Variants in NEURL1B observed in about 807,000 individuals in gnomAD.
The protein encoded by NEURL1B is E3 ubiquitin-protein ligase NEURL1B.
A neutral mutation model predicts 37.4 loss-of-function variants in NEURL1B; 13 were observed. The observed-to-expected ratio is 0.35, with a 90% CI of 0.23 to 0.55. NEURL1B has a LOEUF of 0.55. Ranked by LOEUF, NEURL1B falls within the 20% of genes least tolerant of loss-of-function variation. NEURL1B has a pLI of 0.89. For synonymous variants in NEURL1B, 432 were observed against 426.6 expected, an observed-to-expected ratio of 1.01 and a Z score of -0.16; for missense variants, 790 against 879.2, an observed-to-expected ratio of 0.90 and a Z score of 1.28.
At chr5:172,677,282 T>C (rs1758248999) in intron 2 of NEURL1B, among the ~76,000 whole-genome samples, 1 of 152,124 alleles carries the variant, frequency 6.6e-6, no homozygotes, top group African/African-American at 2.4e-5. Flanking sequence ...TGAAGGGTTG[T>C]CCTTTCTCAG....
At chr5:172,655,255 AG>A (rs1322296188) in intron 1 of NEURL1B, among the ~76,000 whole-genome samples, 1 of 151,636 alleles carries the variant, frequency 6.6e-6, no homozygotes, top group Non-Finnish European at 1.5e-5. Flanking sequence ...CCCTCAAACC[AG>A]GGGGTGTCTT....
Position 172,688,949 on chromosome 5 carries a change from C to T in NEURL1B, c.*2024C>T, listed in dbSNP as rs1421326156. ...GCGACCCAGCCACAAGCTGTGGGGT[C>T]TCAGTGGCCTGGGGGAAAGCAGCTC... is the stretch of plus-strand genomic sequence containing the variant. On this transcript the variant is annotated 3_prime_UTR_variant, in exon 5 of 5. Coordinates refer to ENST00000369800, the MANE Select transcript of NEURL1B (RefSeq NM_001142651.3). This position sits in a 1 kb window ranked among gnomAD's most constrained non-coding sequence, Gnocchi z 4.3. 9 of 152,400 alleles carry T rather than the reference C, an allele frequency of 5.9e-5. No homozygotes were observed. The highest frequency in any genetic ancestry group is 2.2e-4 in the African/African-American group (9 of 41,576). The allele number at this position is 152,400 out of a possible 1,614,324, so 9.4% of individuals were successfully genotyped here.
At chr5:172,650,511 C>T (rs186927832) in intron 1 of NEURL1B, among the ~76,000 whole-genome samples, 6 of 152,180 alleles carry the variant, frequency 3.9e-5, no homozygotes, top group Admixed American at 1.3e-4. Context: ...AGAAAGGTGG[C>T]GGAAAGAGGG....
chr5:172,664,310 A>G (rs1203024762), intron 1 of NEURL1B, among the ~76,000 whole-genome samples: 2 of 152,064 alleles, frequency 1.3e-5, no homozygotes, highest in African/African-American at 2.4e-5. Flanking sequence ...GGAAAAATGG[A>G]GACACCAATC....
chr5:172,641,412 C>A lies in NEURL1B; in HGVS notation c.6C>A (p.Gly2=). 1 of 1,363,224 alleles carries A rather than the reference C, an allele frequency of 7.3e-7. No individual in the cohort carries two copies. The highest frequency in any genetic ancestry group is 3.5e-5 in the Admixed American group (1 of 28,272). 84.4% of individuals were successfully genotyped at this position (1,363,224 alleles called of 1,614,324 possible). M[G]NTVHRTLPDP... ...ACGCCGCGCCCGACGCAGCGATGGG[C>A]AACACGGTGCACCGGACCCTGCCAG... is the stretch of plus-strand genomic sequence containing the variant. The change falls in exon 1 of 5, where the codon GGC becomes GGA. Residue 2 remains glycine (G), a synonymous_variant. Coordinates refer to ENST00000369800, the MANE Select transcript of NEURL1B (RefSeq NM_001142651.3). This position sits in a 1 kb window ranked among gnomAD's most constrained non-coding sequence, Gnocchi z 6.4.
At position 172,670,060 on chromosome 5, in the gene NEURL1B, G is replaced by A. The variant is rs953233428; in HGVS notation, c.307G>A (p.Ala103Thr). 9 of 1,521,254 alleles carry A rather than the reference G, an allele frequency of 5.9e-6. No homozygotes were observed. In the African/African-American group the frequency reaches 7.1e-5, roughly 12 times the overall value. 94.2% of individuals were successfully genotyped at this position (1,521,254 alleles called of 1,614,324 possible). The part of the protein sequence containing the change: ...WSGALRFGFT[A>T]HDPSLMSAQD... ...CGGCGCGCTGCGCTTCGGCTTCACC[G>A]CGCACGATCCGTCGCTCATGAGCGC... The change falls in exon 2 of 5, where the codon GCG becomes ACG. Residue 103 changes from alanine (A) to threonine (T), a missense_variant. Ala to Thr is a moderately conservative substitution (Grantham distance 58). Around this residue, in one of 3 missense-constraint regions of NEURL1B, gnomAD observed 215 missense variants for 309.2 expected, o/e 0.70. Coordinates refer to ENST00000369800, the MANE Select transcript of NEURL1B (RefSeq NM_001142651.3).
chr5:172,682,864 G>A (rs1179016881), intron 2 of NEURL1B, among the ~76,000 whole-genome samples: 1 of 152,210 alleles, frequency 6.6e-6, no homozygotes, highest in Non-Finnish European at 1.5e-5. Context: ...ACCCCTCTGT[G>A]CCTCAGTTTC....
chr5:172,676,817 T>G lies in NEURL1B; in HGVS notation c.577+6487T>G, dbSNP rs1012862111. On this transcript the variant is annotated intron_variant, in intron 2 of 4. Coordinates refer to ENST00000369800, the MANE Select transcript of NEURL1B (RefSeq NM_001142651.3). This position sits in a 1 kb window ranked among gnomAD's most constrained non-coding sequence, Gnocchi z 4.5. Reference sequence around the variant, plus strand: ...AATCCTGTGAGGCAGGAAACTCATTTGCAAACTCCACGTGGATAGAGAACT... The same window carrying G: ...AATCCTGTGAGGCAGGAAACTCATTGGCAAACTCCACGTGGATAGAGAACT... Among the ~76,000 whole-genome samples, 2 of 152,266 alleles carry G rather than the reference T, an allele frequency of 1.3e-5. No homozygotes were observed. Among genetic ancestry groups the G allele is most frequent in the African/African-American group, 4.8e-5 (2 of 41,478 alleles).
At position 172,683,872 on chromosome 5, in the gene NEURL1B, C is replaced by G; in HGVS notation, c.1031C>G (p.Ser344Trp). 2 of 1,394,016 alleles carry G rather than the reference C, an allele frequency of 1.4e-6. No individual in the cohort carries two copies. The highest frequency in any genetic ancestry group is 1.9e-6 in the Non-Finnish European group (2 of 1,069,050). 86.4% of individuals were successfully genotyped at this position (1,394,016 alleles called of 1,614,324 possible). A position where few individuals can be genotyped will look rare whatever the true frequency, so the allele number is the denominator to read the frequency against. Residue 344 changes from serine to tryptophan, a missense_variant, in exon 3 of 5, where the codon TCG (serine) becomes TGG (tryptophan). Around this residue, in one of 3 missense-constraint regions of NEURL1B, gnomAD observed 460 missense variants for 407.4 expected, o/e 1.13. Transcript: ENST00000369800. This position sits in a 1 kb window ranked among gnomAD's most constrained non-coding sequence, Gnocchi z 5.6. ...APGALAFGIT[S>W]CDPGVLRPNE... is the part of the protein sequence containing the mutation. ...GGCGCGCTGGCCTTCGGCATCACGT[C>G]GTGCGACCCGGGCGTGCTACGGCCC...
rs1324400778 is a variant in NEURL1B, at chr5:172,676,323, G to T, written c.577+5993G>T. On this transcript the variant is annotated intron_variant, in intron 2 of 4. Coordinates refer to ENST00000369800, the MANE Select transcript of NEURL1B (RefSeq NM_001142651.3). This position sits in a 1 kb window ranked among gnomAD's most constrained non-coding sequence, Gnocchi z 4.5. ...TCTTTGGTGGCCTCATCCTCAGCTGGACTGTCCCTTTGGGGTGGAGGAAAG... is the reference window on the plus strand; with the variant it reads ...TCTTTGGTGGCCTCATCCTCAGCTGTACTGTCCCTTTGGGGTGGAGGAAAG... Among the ~76,000 whole-genome samples, 1 of 152,162 alleles carries T rather than the reference G, an allele frequency of 6.6e-6. No homozygotes were observed. Among genetic ancestry groups the T allele is most frequent in the African/African-American group, 2.4e-5 (1 of 41,432 alleles).
In NEURL1B at chr5:172,669,850, C is replaced by T. The variant is rs959395719; in HGVS notation, c.97C>T (p.Pro33Ser). ...CTGCGGCCCCGGCCCCGAGCGACGC[C>T]CGGTCCTGGGCGAGGCGCCGCGCTT... is the stretch of plus-strand genomic sequence containing the variant. ...PCCGPGPERR[P>S]VLGEAPRFHA... Residue 33 changes from proline to serine, a missense_variant, in exon 2 of 5, where the codon CCG (proline) becomes TCG (serine). Physicochemically the swap from Pro to Ser is moderately conservative, Grantham distance 74. This residue lies in a region of NEURL1B where 215 missense variants were observed against 309.2 expected (regional missense o/e 0.70). Transcript: ENST00000369800. 58 of 1,371,896 alleles carry T rather than the reference C, an allele frequency of 4.2e-5. No individual in the cohort carries two copies. In the South Asian group the frequency reaches 4.6e-4, roughly 11 times the overall value. 85.0% of individuals were successfully genotyped at this position (1,371,896 alleles called of 1,614,324 possible).
At chr5:172,684,284 C>G (rs1758438339) in intron 3 of NEURL1B, 146 bp downstream of exon 3, 1 of 675,044 alleles carries the variant, frequency 1.5e-6, no homozygotes, top group East Asian at 4.1e-5. Context: ...TTTAAGCGCC[C>G]GGGCACGATC....
At chr5:172,682,576 CA>C (rs998597160) in intron 2 of NEURL1B, among the ~76,000 whole-genome samples, 67 of 146,718 alleles carry the variant, frequency 4.6e-4, no homozygotes, top group Admixed American at 1.1e-3. Context: ...AACTCTATCT[CA>C]AAAAAAAAAA....
intron 2 of NEURL1B, among the ~76,000 whole-genome samples, chr5:172,671,548 C>T (rs185004192): frequency 1.4e-4 from 21 of 152,348 alleles, no homozygotes; most frequent in Admixed American, 2.6e-4. Flanking sequence ...TGAGTGGAAT[C>T]GCACAGTATT....
At chr5:172,659,303 G>A (rs966670792) in intron 1 of NEURL1B, among the ~76,000 whole-genome samples, 3 of 152,212 alleles carry the variant, frequency 2.0e-5, no homozygotes, top group South Asian at 2.1e-4. Flanking sequence ...TTCAGGCCCC[G>A]CAGGTGCTCT....
intron 2 of NEURL1B, among the ~76,000 whole-genome samples, chr5:172,679,799 T>A (rs1758311066): frequency 6.6e-6 from 1 of 152,186 alleles, no homozygotes; most frequent in Non-Finnish European, 1.5e-5. Context: ...ACAGATCCCT[T>A]ATCTCCAGGT....
Position 172,669,412 on chromosome 5 carries a change from A to C in NEURL1B, c.32-373A>C, listed in dbSNP as rs544913115. On this transcript the variant is annotated intron_variant, in intron 1 of 4. Coordinates refer to ENST00000369800, the MANE Select transcript of NEURL1B (RefSeq NM_001142651.3). The stretch of plus-strand genomic sequence containing the variant: ...TGCTTTTGGAGGGACTCTGTGGCCC[A>C]GAGGTGGCCCCGCGAGGTCCTTGTA... Among the ~76,000 whole-genome samples the C allele has an allele frequency of 3.9e-5, 6 of 152,338 alleles. No homozygotes were observed. In the East Asian group the frequency reaches 1.2e-3, roughly 29 times the overall value.
chr5:172,661,252 G>A lies in NEURL1B; in HGVS notation c.32-8533G>A, dbSNP rs992507795. 1.3e-5 allele frequency among the ~76,000 whole-genome samples: 2 copies of A among 152,182 alleles called. No individual in the cohort carries two copies. The highest frequency in any genetic ancestry group is 4.8e-5 in the African/African-American group (2 of 41,436). On this transcript the variant is annotated intron_variant, in intron 1 of 4. Transcript: ENST00000369800. This position sits in a 1 kb window ranked among gnomAD's most constrained non-coding sequence, Gnocchi z 4.0. ...CCAGGTCCAGGAAGCCCCTGAAGTTGAATATCAGATTGTGCATGGAGTCTG... is the reference window on the plus strand; with the variant it reads ...CCAGGTCCAGGAAGCCCCTGAAGTTAAATATCAGATTGTGCATGGAGTCTG...
chr5:172,653,770 AT>A, intron 1 of NEURL1B, among the ~76,000 whole-genome samples: 1 of 152,224 alleles, frequency 6.6e-6, no homozygotes, highest in Middle Eastern at 3.2e-3. Context: ...ACTTTTTTCA[AT>A]AGTTTTACAT....
Sources: gnomAD v4.1 joint callset for allele counts (sites outside exome capture counted in the v4.1 genomes callset) on GRCh38, gnomAD v4.1.1 for gene constraint, gnomAD v4.1.1 regional missense constraint, Gnocchi (gnomAD v3.1) non-coding constraint, MANE v1.5 for transcripts, NCBI Gene and HGNC (gene_info 2026-07-23, HGNC 2026-07-21) for gene names.